Variants in GRID2 observed in about 807,000 individuals in gnomAD.
The protein encoded by GRID2 is glutamate receptor ionotropic, delta-2.
Under a neutral mutation model 114.8 loss-of-function variants are expected in GRID2, and 33 were observed. That is an observed-to-expected ratio of 0.29 (90% CI 0.22 to 0.38). GRID2 has a LOEUF of 0.38. Ranked by LOEUF, GRID2 falls within the 10% of genes least tolerant of loss-of-function variation. The pLI, the probability that GRID2 is intolerant of heterozygous loss-of-function variation, is 1.00. For missense variants in GRID2, 1,184 were observed against 1,257.7 expected (o/e 0.94, Z 0.89); for synonymous variants, 505 against 449.9 (o/e 1.12, Z -1.55).
intron 1 of GRID2, among the ~76,000 whole-genome samples, chr4:92,320,217 A>G (rs1447829117): frequency 6.6e-6 from 1 of 152,192 alleles, no homozygotes; most frequent in Non-Finnish European, 1.5e-5. Context: ...TGGAGAAAAT[A>G]AAGATTATTT....
At chr4:92,467,962 C>T (rs1721837671) in intron 1 of GRID2, among the ~76,000 whole-genome samples, 1 of 151,838 alleles carries the variant, frequency 6.6e-6, no homozygotes, top group Non-Finnish European at 1.5e-5. Flanking sequence ...GACATGTAAA[C>T]TTACCTATGA....
At chr4:92,320,568 A>G (rs1321707397) in intron 1 of GRID2, among the ~76,000 whole-genome samples, 2 of 151,964 alleles carry the variant, frequency 1.3e-5, no homozygotes, top group African/African-American at 2.4e-5. Context: ...TCTGCCTCCC[A>G]GGTTCCAGTG....
In GRID2 at chr4:92,304,592, G is replaced by T; in HGVS notation, c.-65G>T. ...ACTCCACCGTGACCTCAAACTCTTTGGACTGTTTGAAAAAAAAAAAATTGG... is the reference window on the plus strand; with the variant it reads ...ACTCCACCGTGACCTCAAACTCTTTTGACTGTTTGAAAAAAAAAAAATTGG... On this transcript the variant is annotated 5_prime_UTR_variant, in exon 1 of 16. Coordinates refer to ENST00000282020, the MANE Select transcript of GRID2 (RefSeq NM_001510.4). 9.5e-7 allele frequency: 1 copy of T among 1,054,824 alleles called. No individual in the cohort carries two copies. The highest frequency in any genetic ancestry group is 1.5e-6 in the Non-Finnish European group (1 of 671,082). 65.3% of individuals were successfully genotyped at this position (1,054,824 alleles called of 1,614,324 possible).
At position 93,315,604 on chromosome 4, in the gene GRID2, G is replaced by A. The variant is rs145227248; in HGVS notation, c.1245+77114G>A. On this transcript the variant is annotated intron_variant, in intron 8 of 15. Coordinates refer to ENST00000282020, the MANE Select transcript of GRID2 (RefSeq NM_001510.4). ...CACCTCCACCATGTAATCTCTCTTCGTAGGAATCTTTGTCTTCTTTGTTCA... is the reference window on the plus strand; with the variant it reads ...CACCTCCACCATGTAATCTCTCTTCATAGGAATCTTTGTCTTCTTTGTTCA... 4.6e-3 allele frequency among the ~76,000 whole-genome samples: 694 copies of A among 152,056 alleles called. 1 individual carries two copies. The highest frequency in any genetic ancestry group is 0.01 in the African/African-American group (431 of 41,486).
intron 2 of GRID2, among the ~76,000 whole-genome samples, chr4:92,974,967 C>G (rs1175183728): frequency 6.6e-6 from 1 of 151,590 alleles, no homozygotes; most frequent in Non-Finnish European, 1.5e-5. Context: ...ACCATCCTGG[C>G]TAACACGGTG....
chr4:92,970,326 C>A (rs1234684282), intron 2 of GRID2, among the ~76,000 whole-genome samples: 4 of 151,760 alleles, frequency 2.6e-5, no homozygotes, highest in Non-Finnish European at 1.5e-5. Flanking sequence ...CTTCAATCAC[C>A]AAAGCAAAAC....
intron 4 of GRID2, among the ~76,000 whole-genome samples, chr4:93,134,751 A>AT (rs1478486247): frequency 2.0e-5 from 3 of 152,108 alleles, no homozygotes; most frequent in African/African-American, 4.8e-5. Context: ...TCAGGAATAT[A>AT]TTTTTTGCAG....
intron 2 of GRID2, among the ~76,000 whole-genome samples, chr4:92,600,040 GTGTGTATA>G (rs1392989938): frequency 2.2e-3 from 157 of 70,658 alleles, no homozygotes; most frequent in African/African-American, 7.9e-3. Flanking sequence ...GTGTGTGTGT[GTGTGTATA>G]TATATATATA....
At chr4:92,713,500 T>C (rs934312628) in intron 2 of GRID2, among the ~76,000 whole-genome samples, 1 of 133,650 alleles carries the variant, frequency 7.5e-6, no homozygotes, top group African/African-American at 2.9e-5. Context: ...TATATATATA[T>C]ATATATATAT....
chr4:93,732,253 G>A (rs1553993153), intron 14 of GRID2, among the ~76,000 whole-genome samples: 3 of 152,092 alleles, frequency 2.0e-5, no homozygotes, highest in Non-Finnish European at 4.4e-5. Context: ...AATATTTCCA[G>A]GGCTTTCAGG....
At chr4:93,733,928 T>C (rs1730705324) in intron 14 of GRID2, among the ~76,000 whole-genome samples, 1 of 152,104 alleles carries the variant, frequency 6.6e-6, no homozygotes, top group Admixed American at 6.5e-5. Context: ...TTAATTACAA[T>C]TTGATTTTTA....
intron 2 of GRID2, among the ~76,000 whole-genome samples, chr4:92,989,550 A>G (rs963391940): frequency 6.6e-6 from 1 of 152,074 alleles, no homozygotes; most frequent in Admixed American, 6.6e-5. Flanking sequence ...ATAGGTTTTA[A>G]GCTGTATAAG....
intron 1 of GRID2, among the ~76,000 whole-genome samples, chr4:92,523,648 T>A (rs1308381229): frequency 6.6e-6 from 1 of 152,048 alleles, no homozygotes; most frequent in African/African-American, 2.4e-5. Flanking sequence ...ACAGTCACTC[T>A]GTAAGATAAA....
chr4:93,415,820 TTAAA>T (rs1482663731), intron 9 of GRID2, among the ~76,000 whole-genome samples: 1 of 152,012 alleles, frequency 6.6e-6, no homozygotes, highest in African/African-American at 2.4e-5. Context: ...ATATTTGTAT[TTAAA>T]TAATTGCTTA....
chr4:93,444,511 G>A (rs1381928733), intron 10 of GRID2, among the ~76,000 whole-genome samples: 1 of 151,874 alleles, frequency 6.6e-6, no homozygotes, highest in Non-Finnish European at 1.5e-5. Flanking sequence ...CATCAGTGTG[G>A]CAAAACCCAA....
At chr4:92,987,285 C>T (rs1349435980) in intron 2 of GRID2, among the ~76,000 whole-genome samples, 1 of 152,038 alleles carries the variant, frequency 6.6e-6, no homozygotes, top group African/African-American at 2.4e-5. Flanking sequence ...AAAGAAGGTA[C>T]AGGCAATGTT....
chr4:93,606,839 T>C (rs1343427616), intron 13 of GRID2, among the ~76,000 whole-genome samples: 1 of 152,174 alleles, frequency 6.6e-6, no homozygotes, highest in Admixed American at 6.6e-5. Flanking sequence ...ACTCAAAAGC[T>C]AACTATTATT....
rs890038327 is a variant in GRID2, at chr4:93,038,275, A to G, written c.245-46720A>G. 7.2e-5 allele frequency among the ~76,000 whole-genome samples: 11 copies of G among 152,254 alleles called. No individual in the cohort carries two copies. In the East Asian group the frequency reaches 2.1e-3, roughly 29 times the overall value. ...CTCTCTGTTTGTCTGTTATTGGTGT[A>G]TAGGAATGCATGTGATTTTTGCACA... On this transcript the variant is annotated intron_variant, in intron 2 of 15. Transcript: ENST00000282020.
intron 14 of GRID2, among the ~76,000 whole-genome samples, chr4:93,762,460 T>C (rs1338041756): frequency 6.6e-6 from 1 of 152,202 alleles, no homozygotes; most frequent in African/African-American, 2.4e-5. Flanking sequence ...ATAGAGTTTC[T>C]GGCGTTACAT....
Sources: allele counts gnomAD v4.1 joint callset (sites outside exome capture counted in the v4.1 genomes callset), GRCh38; gene constraint gnomAD v4.1.1; transcripts MANE v1.5; gene names NCBI Gene and HGNC (gene_info 2026-07-23, HGNC 2026-07-21).